The following SCRG1 variants were observed in gnomAD, a reference collection of about 807,000 sequenced individuals.
SCRG1 encodes stimulator of chondrogenesis 1, also known as scrapie-responsive protein 1.
A neutral mutation model predicts 7.7 loss-of-function variants in SCRG1; 3 were observed. That is an observed-to-expected ratio of 0.39 (90% CI 0.18 to 1.01). SCRG1 has a LOEUF of 1.01. Ranked by LOEUF, SCRG1 falls within the 50% of genes least tolerant of loss-of-function variation. SCRG1 has a pLI of 0.36. For missense variants in SCRG1, 110 were observed against 117.2 expected, an observed-to-expected ratio of 0.94 and a Z score of 0.28; for synonymous variants, 46 against 41.2, an observed-to-expected ratio of 1.12 and a Z score of -0.44.
At chr4:173,484,460 A>G in the SCRG1 span, among the ~76,000 whole-genome samples, 1 of 19,446 alleles carries the variant, frequency 5.1e-5, no homozygotes, top group East Asian at 2.1e-3. Flanking sequence ...TATATATTAT[A>G]TACATATAAT....
At chr4:173,414,473 G>A in the SCRG1 span, among the ~76,000 whole-genome samples, 1 of 152,288 alleles carries the variant, frequency 6.6e-6, no homozygotes, top group African/African-American at 2.4e-5. Context: ...TCACCCTGAT[G>A]GGGTGAGTCT....
chr4:173,512,693 C>G, the SCRG1 span, among the ~76,000 whole-genome samples: 1 of 152,234 alleles, frequency 6.6e-6, no homozygotes, highest in Non-Finnish European at 1.5e-5. Context: ...GCAAGGGACA[C>G]TATGCATGGC....
At chr4:173,517,742 G>A in the SCRG1 span, among the ~76,000 whole-genome samples, 1 of 152,250 alleles carries the variant, frequency 6.6e-6, no homozygotes, top group Non-Finnish European at 1.5e-5. Flanking sequence ...TTTTACCGGA[G>A]ATTGGACTGG....
chr4:173,498,204 T>A, the SCRG1 span, among the ~76,000 whole-genome samples: 1 of 152,248 alleles, frequency 6.6e-6, no homozygotes, highest in Non-Finnish European at 1.5e-5. Flanking sequence ...CTTGCTGCTG[T>A]ACTTCTCATT....
At chr4:173,447,135 G>A in the SCRG1 span, among the ~76,000 whole-genome samples, 1 of 152,170 alleles carries the variant, frequency 6.6e-6, no homozygotes, top group Non-Finnish European at 1.5e-5. Flanking sequence ...AGTGCTGGAG[G>A]CTGGAAGTCC....
chr4:173,397,098 A>G (rs1739628497), intron 1 of SCRG1, among the ~76,000 whole-genome samples: 1 of 152,160 alleles, frequency 6.6e-6, no homozygotes, highest in South Asian at 2.1e-4. Context: ...AATAAATTAC[A>G]TGTCTTAAAT....
the SCRG1 span, among the ~76,000 whole-genome samples, chr4:173,424,868 C>A: frequency 2.4e-5 from 2 of 83,196 alleles, no homozygotes; most frequent in Admixed American, 3.4e-4. Context: ...GAGATCGCAC[C>A]AGCTTGGGTG....
the SCRG1 span, among the ~76,000 whole-genome samples, chr4:173,477,970 A>G: frequency 1.3e-5 from 2 of 151,972 alleles, no homozygotes; most frequent in Non-Finnish European, 2.9e-5. Context: ...GGATCTCATT[A>G]TGCTGCCCAG....
chr4:173,495,365 A>T, the SCRG1 span, among the ~76,000 whole-genome samples: 1 of 152,246 alleles, frequency 6.6e-6, no homozygotes, highest in Non-Finnish European at 1.5e-5. Flanking sequence ...GTTGTCAAAA[A>T]GTAATTACCT....
At chr4:173,433,979 C>G in the SCRG1 span, among the ~76,000 whole-genome samples, 3 of 152,188 alleles carry the variant, frequency 2.0e-5, no homozygotes, top group Admixed American at 6.6e-5. Flanking sequence ...ATCTTAGTGC[C>G]TCTTTGCTTT....
chr4:173,388,537 T>A (rs531770489), intron 2 of SCRG1, 142 bp from the exon 3 acceptor site: 19 of 549,200 alleles, frequency 3.5e-5, no homozygotes, highest in Non-Finnish European at 5.4e-5. Context: ...AAGAGATGAG[T>A]GGGAGGACTT....
the SCRG1 span, among the ~76,000 whole-genome samples, chr4:173,507,412 G>A: frequency 1.3e-5 from 2 of 152,186 alleles, no homozygotes; most frequent in African/African-American, 4.8e-5. The surrounding 1 kb of genome is among the most constrained non-coding windows in gnomAD (Gnocchi z 4.4). Context: ...GTTTCGCCAT[G>A]TTGGCCAGGC....
chr4:173,431,459 A>C, the SCRG1 span, among the ~76,000 whole-genome samples: 1 of 152,206 alleles, frequency 6.6e-6, no homozygotes, highest in Admixed American at 6.5e-5. Flanking sequence ...TGTGGTGTGT[A>C]CTCTAAGGCA....
the SCRG1 span, among the ~76,000 whole-genome samples, chr4:173,436,599 G>A: frequency 6.6e-5 from 10 of 152,160 alleles, 1 homozygote; most frequent in South Asian, 4.2e-4. Context: ...CAAAACAATC[G>A]TTCTCTATGG....
the SCRG1 span, among the ~76,000 whole-genome samples, chr4:173,441,349 C>G: frequency 0.031 from 4,759 of 152,228 alleles, 222 homozygotes; most frequent in African/African-American, 0.1. Context: ...CGTCACGGCT[C>G]TAATCCAGGC....
chr4:173,391,457 C>T, intron 1 of SCRG1, 29 bp from the exon 2 acceptor site: 1 of 1,608,782 alleles, frequency 6.2e-7, no homozygotes, highest in Non-Finnish European at 8.5e-7. Flanking sequence ...CAAAATGTGT[C>T]AATGTTTGTT....
chr4:173,514,936 G>A, the SCRG1 span, among the ~76,000 whole-genome samples: 2 of 152,064 alleles, frequency 1.3e-5, no homozygotes, highest in African/African-American at 2.4e-5. Flanking sequence ...ATCCTTTTGC[G>A]GCAATAAACA....
the SCRG1 span, among the ~76,000 whole-genome samples, chr4:173,455,232 G>A: frequency 6.6e-6 from 1 of 151,904 alleles, no homozygotes; most frequent in African/African-American, 2.4e-5. Context: ...AAGACTGGCA[G>A]GAGTCAAACT....
the SCRG1 span, among the ~76,000 whole-genome samples, chr4:173,467,100 G>T: frequency 6.6e-6 from 1 of 152,034 alleles, no homozygotes; most frequent in East Asian, 1.9e-4. Flanking sequence ...CTGATCATCT[G>T]GATTTTAAAA....
Sources: gnomAD v4.1 joint callset for allele counts (sites outside exome capture counted in the v4.1 genomes callset) on GRCh38, gnomAD v4.1.1 for gene constraint, Gnocchi (gnomAD v3.1) non-coding constraint, MANE v1.5 for transcripts, NCBI Gene and HGNC (gene_info 2026-07-23, HGNC 2026-07-21) for gene names.